PRC1: variants seen among roughly 807,000 people sequenced by gnomAD.
The protein encoded by PRC1 is anaphase spindle elongation 1 homolog.
A neutral mutation model predicts 91.2 loss-of-function variants in PRC1; 54 were observed. The observed-to-expected ratio is 0.59, with a 90% CI of 0.48 to 0.74. The LOEUF (loss-of-function observed/expected upper bound fraction) is 0.74, where lower values mean the gene tolerates loss of function less well. PRC1 is among the 30% of genes least tolerant of loss of function. The pLI is 0.00. For synonymous variants in PRC1, 275 were observed against 263.6 expected (o/e 1.04, Z -0.42); for missense variants, 727 against 746.2 (o/e 0.97, Z 0.30).
chr15:90,984,961 T>A lies in PRC1; in HGVS notation c.12-136A>T. On this transcript the variant is annotated intron_variant, in intron 1 of 14. Transcript: ENST00000394249. This position sits in a 1 kb window ranked among gnomAD's most constrained non-coding sequence, Gnocchi z 5.1. Reference sequence around the variant, plus strand: ...ACAAATTGAAAACAAGCATTCAGCTTAATTCACCTTTAACCACTCCCCATC... The same window carrying A: ...ACAAATTGAAAACAAGCATTCAGCTAAATTCACCTTTAACCACTCCCCATC... 9.2e-7 allele frequency: 1 copy of A among 1,087,788 alleles called. No homozygotes were observed. Among genetic ancestry groups the A allele is most frequent in the Non-Finnish European group, 1.3e-6 (1 of 764,114 alleles). 67.4% of individuals were successfully genotyped at this position (1,087,788 alleles called of 1,614,324 possible).
At chr15:90,979,350 T>C in intron 7 of PRC1, 56 bp from the exon 8 acceptor site, 2 of 1,546,656 alleles carry the variant, frequency 1.3e-6, no homozygotes, top group Non-Finnish European at 1.8e-6. Context: ...TAGTATCCAA[T>C]TTTACGAATC....
intron 12 of PRC1, among the ~76,000 whole-genome samples, chr15:90,970,055 G>A (rs749973104): frequency 1.1e-4 from 17 of 152,070 alleles, no homozygotes; most frequent in Non-Finnish European, 2.4e-4. Flanking sequence ...GGCATGTCTA[G>A]TGATCTGGTT....
chr15:90,987,573 C>T (rs898923327), intron 1 of PRC1: 1 of 152,198 alleles, frequency 6.6e-6, no homozygotes. Flanking sequence ...AAAATTATCA[C>T]AATTAGTCTG....
intron 1 of PRC1, among the ~76,000 whole-genome samples, chr15:90,990,240 G>T (rs1413895722): frequency 6.6e-6 from 1 of 151,796 alleles, no homozygotes; most frequent in East Asian, 1.9e-4. Context: ...GGAGGCTGAG[G>T]CAGGAGAATT....
At chr15:90,980,202 C>T (rs375754375) in intron 7 of PRC1, 40 bp downstream of exon 7, 50 of 1,551,960 alleles carry the variant, frequency 3.2e-5, no homozygotes, top group Non-Finnish European at 4.1e-5. Flanking sequence ...TAAGACCTGT[C>T]TCCAAACAAA....
chr15:90,981,729 A>G lies in PRC1; in HGVS notation c.501+19T>C, dbSNP rs776744639. On this transcript the variant is annotated intron_variant, in intron 4 of 14. Coordinates refer to ENST00000394249, the MANE Select transcript of PRC1 (RefSeq NM_003981.4). ...AAAACCAAAGTGACTTTTAGGAAGA[A>G]CAAATGTAGGCAGTGTACCTTTGTT... The G allele has an allele frequency of 6.2e-7, 1 of 1,608,870 alleles. No individual in the cohort carries two copies. The highest frequency in any genetic ancestry group is 1.1e-5 in the South Asian group (1 of 90,898).
At chr15:90,983,073 C>T (rs1044263424) in intron 3 of PRC1, among the ~76,000 whole-genome samples, 1 of 152,168 alleles carries the variant, frequency 6.6e-6, no homozygotes, top group African/African-American at 2.4e-5. Context: ...CGCCCAATTT[C>T]ACATGGAATG....
intron 8 of PRC1, among the ~76,000 whole-genome samples, chr15:90,978,119 A>G (rs1212156708): frequency 6.6e-6 from 1 of 152,242 alleles, no homozygotes; most frequent in African/African-American, 2.4e-5. Context: ...TCTGTGCCCT[A>G]CACACCTCAC....
chr15:90,994,377 G>A (rs138720749), intron 1 of PRC1, 30 bp downstream of exon 1: 1 of 1,611,852 alleles, frequency 6.2e-7, no homozygotes, highest in Admixed American at 1.7e-5. Context: ...GCTCCCTCCC[G>A]CGTCCCCTCG....
chr15:90,974,228 G>GT lies in PRC1; in HGVS notation c.1368dup (p.Gln457ThrfsTer16), dbSNP rs1231355293. 1 of 1,614,138 alleles carries GT rather than the reference G, an allele frequency of 6.2e-7. No homozygotes were observed. The highest frequency in any genetic ancestry group is 1.1e-5 in the South Asian group (1 of 91,074). ...CCATACAGCATCTCTGTCTCTGTCT[G>GT]TTTTTTGTTCTTCAGTTGCTGTGTG... On this transcript the variant is annotated frameshift_variant, in exon 11 of 15. Transcript: ENST00000394249. LOFTEE classifies it high-confidence loss of function. The surrounding 1 kb of genome is among the most constrained non-coding windows in gnomAD (Gnocchi z 4.6).
intron 14 of PRC1, chr15:90,968,363 A>G (rs2037725046): frequency 2.0e-6 from 2 of 985,398 alleles, no homozygotes; most frequent in Non-Finnish European, 2.4e-6. Flanking sequence ...TCCATTCTCT[A>G]TCCCTGCAGC....
intron 1 of PRC1, among the ~76,000 whole-genome samples, chr15:90,986,601 G>A (rs944404308): frequency 6.6e-6 from 1 of 152,158 alleles, no homozygotes; most frequent in Non-Finnish European, 1.5e-5. Context: ...TTGTACCACT[G>A]TACTCCAGCT....
chr15:90,975,029 A>T (rs1195250482), intron 9 of PRC1, among the ~76,000 whole-genome samples: 2 of 152,254 alleles, frequency 1.3e-5, no homozygotes, highest in Non-Finnish European at 2.9e-5. Context: ...GGCGGTGAAC[A>T]TTAGGAGCAG....
At chr15:90,975,253 A>C (rs1279796361) in intron 9 of PRC1, among the ~76,000 whole-genome samples, 3 of 152,074 alleles carry the variant, frequency 2.0e-5, no homozygotes, top group African/African-American at 7.2e-5. Flanking sequence ...TTACAGGCAT[A>C]CGCCACACCT....
At chr15:90,982,649 C>G (rs572273533) in intron 3 of PRC1, 2 of 148,578 alleles carry the variant, frequency 1.3e-5, no homozygotes, top group Admixed American at 1.4e-4. Context: ...CGGGAGGCTA[C>G]GGCAGGAAAA....
rs2037546628 is a variant in PRC1 at position 90,966,960 on chromosome 15, G to C, written c.*171C>G. 4.7e-6 allele frequency: 3 copies of C among 633,710 alleles called. No homozygotes were observed. The highest frequency in any genetic ancestry group is 8.4e-6 in the Non-Finnish European group (3 of 357,826). The allele number at this position is 633,710 out of a possible 1,614,324, so 39.3% of individuals were successfully genotyped here. ...AGTCTCCTAGGACCACTAAACCTAT[G>C]ATGGGCTTTCAACTGTAACACTCAT... On this transcript the variant is annotated 3_prime_UTR_variant, in exon 15 of 15. Transcript: ENST00000394249.
At chr15:90,969,959 A>ATT (rs2037958028) in intron 12 of PRC1, among the ~76,000 whole-genome samples, 1 of 152,064 alleles carries the variant, frequency 6.6e-6, no homozygotes, top group Non-Finnish European at 1.5e-5. Context: ...GATTTACAGA[A>ATT]CACCTATCTT....
intron 1 of PRC1, chr15:90,988,724 C>T (rs2039760231): frequency 6.6e-6 from 1 of 152,390 alleles, no homozygotes; most frequent in South Asian, 2.1e-4. Context: ...CCCCCCAAGC[C>T]CCCTAGTAGA....
In PRC1 at chr15:90,966,581, A is replaced by G. The variant is rs1398790942; in HGVS notation, c.*550T>C. The G allele has an allele frequency of 2.2e-6, 1 of 456,110 alleles. No homozygotes were observed. Among genetic ancestry groups the G allele is most frequent in the East Asian group, 6.9e-5 (1 of 14,400 alleles). 28.3% of individuals were successfully genotyped at this position (456,110 alleles called of 1,614,324 possible). On this transcript the variant is annotated 3_prime_UTR_variant, in exon 15 of 15. Coordinates refer to ENST00000394249, the MANE Select transcript of PRC1 (RefSeq NM_003981.4). ...CAAAGCTGCTCCCAGCCTTCCTGTCACCTCTTTGGCAGTAGGGCAGGCCAT... is the reference window on the plus strand; with the variant it reads ...CAAAGCTGCTCCCAGCCTTCCTGTCGCCTCTTTGGCAGTAGGGCAGGCCAT...
Sources: gnomAD v4.1 joint callset for allele counts (sites outside exome capture counted in the v4.1 genomes callset) on GRCh38, gnomAD v4.1.1 for gene constraint, Gnocchi (gnomAD v3.1) non-coding constraint, MANE v1.5 for transcripts, NCBI Gene and HGNC (gene_info 2026-07-23, HGNC 2026-07-21) for gene names.